SOCS1: variants seen among roughly 807,000 people sequenced by gnomAD.
SOCS1 encodes suppressor of cytokine signaling 1.
Under a neutral mutation model 9.7 loss-of-function variants are expected in SOCS1, and 3 were observed. The ratio of observed to expected loss-of-function variants is 0.31; its 90% CI spans 0.14 to 0.80. The LOEUF (loss-of-function observed/expected upper bound fraction) is 0.80, where lower values mean the gene tolerates loss of function less well. SOCS1 is among the 30% of genes least tolerant of loss of function. SOCS1 has a pLI of 0.61. For synonymous variants in SOCS1, 194 were observed against 150.2 expected (o/e 1.29, Z -2.13); for missense variants, 368 against 324.7 (o/e 1.13, Z -1.02).
At position 11,255,262 on chromosome 16, in the gene SOCS1, G is replaced by A. The variant is rs1035939538; in HGVS notation, c.217C>T (p.Leu73Phe). 7 of 1,543,576 alleles carry A rather than the reference G, an allele frequency of 4.5e-6. No homozygotes were observed. The African/African-American group carries it at 8.4e-5, about 19-fold the overall frequency. The change falls in exon 2 of 2, where the codon CTC becomes TTC. Residue 73 changes from leucine to phenylalanine, a missense_variant. Coordinates refer to ENST00000332029, the MANE Select transcript of SOCS1 (RefSeq NM_003745.2). ...DYRRITRASALLDACGFYWGP... is the reference protein window; with the variant it reads ...DYRRITRASAFLDACGFYWGP... The stretch of plus-strand genomic sequence containing the variant: ...CAGTAGAATCCGCAGGCGTCCAGGA[G>A]CGCGCTGGCGCGCGTGATGCGCCGG...
chr16:11,255,822 C>G, intron 1 of SOCS1: 1 of 207,052 alleles, frequency 4.8e-6, no homozygotes, highest in Non-Finnish European at 9.7e-6. Flanking sequence ...CCGTCCGGCC[C>G]CGGCTCGCCG....
rs751180131 is a variant in SOCS1, at chr16:11,254,799, C to T, written c.*44G>A. ...TTCCAGGCAAGTAATAACAAAATAA[C>T]ACGGCATCCCAGTTAATGCTGCGTG... On this transcript the variant is annotated 3_prime_UTR_variant, in exon 2 of 2. Transcript: ENST00000332029. 6.9e-7 allele frequency: 1 copy of T among 1,439,598 alleles called. No individual in the cohort carries two copies. Among genetic ancestry groups the T allele is most frequent in the Non-Finnish European group, 9.1e-7 (1 of 1,099,912 alleles). The allele number at this position is 1,439,598 out of a possible 1,614,324, so 89.2% of individuals were successfully genotyped here. A position where few individuals can be genotyped will look rare whatever the true frequency, so the allele number is the denominator to read the frequency against.
rs2141125485 is a variant in SOCS1 at position 11,255,432 on chromosome 16, G to A, written c.47C>T (p.Ala16Val). The change falls in exon 2 of 2, where the codon GCA (alanine) becomes GTA (valine). Residue 16 changes from alanine (A) to valine (V), a missense_variant. By Grantham distance (64) the Ala-to-Val change is moderately conservative. Transcript: ENST00000332029. The stretch of plus-strand genomic sequence containing the variant: ...TTCTGGCCGCCGTCGGGGCTCTGCT[G>A]CTGTGGAGACTGCATTGTCGGCTGC... ...QVAADNAVST[A>V]AEPRRRPEPS... The A allele has an allele frequency of 1.5e-6, 2 of 1,321,806 alleles. No homozygotes were observed. Among genetic ancestry groups the A allele is most frequent in the Non-Finnish European group, 1.9e-6 (2 of 1,040,314 alleles). 81.9% of individuals were successfully genotyped at this position (1,321,806 alleles called of 1,614,324 possible). A position where few individuals can be genotyped will look rare whatever the true frequency, so the allele number is the denominator to read the frequency against.
In SOCS1 at chr16:11,255,537, G is replaced by C. The variant is rs934819825; in HGVS notation, c.-50-9C>G. ...TAGCGTCCGGGGGTGCGCTGCGGGA[G>C]AGACAAAGAGGTGAGCTGGGGCGCT... On this transcript the variant is annotated splice_polypyrimidine_tract_variant and intron_variant, in intron 1 of 1. Transcript: ENST00000332029. 3.3e-5 allele frequency: 36 copies of C among 1,102,092 alleles called. No homozygotes were observed. The highest frequency in any genetic ancestry group is 2.7e-4 in the Middle Eastern group (1 of 3,640). 68.3% of individuals were successfully genotyped at this position (1,102,092 alleles called of 1,614,324 possible). A position where few individuals can be genotyped will look rare whatever the true frequency, so the allele number is the denominator to read the frequency against.
Position 11,255,656 on chromosome 16 carries a change from CCG to C in SOCS1, c.-50-130_-50-129del, listed in dbSNP as rs2069591702. ...AGGGGGCGAGCACGGAGCACCAAGTCCGCGCGGATCCGTTCAGCCTCAGTGGA... is the reference window on the plus strand; with the variant it reads ...AGGGGGCGAGCACGGAGCACCAAGTCCGCGGATCCGTTCAGCCTCAGTGGA... On this transcript the variant is annotated intron_variant, in intron 1 of 1. Coordinates refer to ENST00000332029, the MANE Select transcript of SOCS1 (RefSeq NM_003745.2). 4 of 392,586 alleles carry C rather than the reference CCG, an allele frequency of 1.0e-5. No homozygotes were observed. In the East Asian group the frequency reaches 1.5e-4, roughly 14 times the overall value. The allele number at this position is 392,586 out of a possible 1,614,324, so 24.3% of individuals were successfully genotyped here.
Position 11,255,275 on chromosome 16 carries a change from C to G in SOCS1, c.204G>C (p.Thr68=). 6.5e-7 allele frequency: 1 copy of G among 1,537,064 alleles called. No individual in the cohort carries two copies. Among genetic ancestry groups the G allele is most frequent in the African/African-American group, 1.4e-5 (1 of 71,044 alleles). Residue 68 remains threonine, a synonymous_variant, in exon 2 of 2, where the codon ACG becomes ACC. Transcript: ENST00000332029. ...FRSHADYRRI[T]RASALLDACG... ...AGGCGTCCAGGAGCGCGCTGGCGCG[C>G]GTGATGCGCCGGTAATCGGCGTGCG...
rs1720825010 is a variant in SOCS1, at chr16:11,254,538, G to A, written c.*305C>T. ...TCCCCCAACCCCTGGTTTGTGCAAAGATACTGGGTATATGTAAACATGAAG... is the reference window on the plus strand; with the variant it reads ...TCCCCCAACCCCTGGTTTGTGCAAAAATACTGGGTATATGTAAACATGAAG... On this transcript the variant is annotated 3_prime_UTR_variant, in exon 2 of 2. Coordinates refer to ENST00000332029, the MANE Select transcript of SOCS1 (RefSeq NM_003745.2). 3.2e-6 allele frequency: 1 copy of A among 315,448 alleles called. No homozygotes were observed. Among genetic ancestry groups the A allele is most frequent in the Non-Finnish European group, 5.8e-6 (1 of 172,954 alleles). The allele number at this position is 315,448 out of a possible 1,614,324, so 19.5% of individuals were successfully genotyped here.
In SOCS1 at chr16:11,255,155, C is replaced by G. The variant is rs754521293; in HGVS notation, c.324G>C (p.Gln108His). ...VGTFLVRDSR[Q>H]RNCFFALSVK... ...CGCTAAGGGCGAAAAAGCAGTTCCG[C>G]TGGCGGCTGTCGCGCACCAGGAAGG... The change falls in exon 2 of 2, where the codon CAG becomes CAC. Residue 108 changes from glutamine (Q) to histidine (H), a missense_variant. Gln to His is a conservative substitution (Grantham distance 24, BLOSUM62 0). Transcript: ENST00000332029. 5.0e-6 allele frequency: 8 copies of G among 1,602,068 alleles called. No individual in the cohort carries two copies. The South Asian group carries it at 7.8e-5, about 16-fold the overall frequency.
rs2141125209 is a variant in SOCS1, at chr16:11,255,328, C to G, written c.151G>C (p.Gly51Arg). 6.8e-7 allele frequency: 1 copy of G among 1,466,472 alleles called. No homozygotes were observed. The highest frequency in any genetic ancestry group is 9.0e-7 in the Non-Finnish European group (1 of 1,113,196). 90.8% of individuals were successfully genotyped at this position (1,466,472 alleles called of 1,614,324 possible). Residue 51 changes from glycine (G) to arginine (R), a missense_variant, in exon 2 of 2, where the codon GGC becomes CGC. Coordinates refer to ENST00000332029, the MANE Select transcript of SOCS1 (RefSeq NM_003745.2). The part of the protein sequence containing the change: ...PCPAVPAPAP[G>R]DTHFRTFRSH... Reference sequence around the variant, plus strand: ...CGGAATGTGCGGAAGTGCGTGTCGCCGGGGGCCGGGGCCGGGACCGCGGGG... The same window carrying G: ...CGGAATGTGCGGAAGTGCGTGTCGCGGGGGGCCGGGGCCGGGACCGCGGGG...
In SOCS1 at chr16:11,254,765, C is replaced by A. The variant is rs572828363; in HGVS notation, c.*78G>T. 1 of 1,397,808 alleles carries A rather than the reference C, an allele frequency of 7.2e-7. No homozygotes were observed. The highest frequency in any genetic ancestry group is 9.3e-7 in the Non-Finnish European group (1 of 1,076,774). The allele number at this position is 1,397,808 out of a possible 1,614,324, so 86.6% of individuals were successfully genotyped here. On this transcript the variant is annotated 3_prime_UTR_variant, in exon 2 of 2. Coordinates refer to ENST00000332029, the MANE Select transcript of SOCS1 (RefSeq NM_003745.2). ...CCTCCAACCCAGGCCGGGGAGGGTA[C>A]CCACATGGTTCCAGGCAAGTAATAA...
rs1300398340 is a variant in SOCS1, at chr16:11,255,337, G to A, written c.142C>T (p.Pro48Ser). The change falls in exon 2 of 2, where the codon CCG becomes TCG. Residue 48 changes from proline to serine, a missense_variant. By Grantham distance (74) the Pro-to-Ser change is moderately conservative (BLOSUM62 -1). Coordinates refer to ENST00000332029, the MANE Select transcript of SOCS1 (RefSeq NM_003745.2). ...RPRPCPAVPA[P>S]APGDTHFRTF... ...CGGAAGTGCGTGTCGCCGGGGGCCGGGGCCGGGACCGCGGGGCACGGCCGC... is the reference window on the plus strand; with the variant it reads ...CGGAAGTGCGTGTCGCCGGGGGCCGAGGCCGGGACCGCGGGGCACGGCCGC... 1.4e-6 allele frequency: 2 copies of A among 1,432,252 alleles called. No individual in the cohort carries two copies. The highest frequency in any genetic ancestry group is 1.8e-6 in the Non-Finnish European group (2 of 1,098,570). The allele number at this position is 1,432,252 out of a possible 1,614,324, so 88.7% of individuals were successfully genotyped here.
chr16:11,255,560 G>C, intron 1 of SOCS1, 32 bp from the exon 2 acceptor site: 1 of 901,094 alleles, frequency 1.1e-6, no homozygotes, highest in Non-Finnish European at 1.5e-6. Context: ...GAGCTGGGGC[G>C]CTGCGGGGCC....
Position 11,254,679 on chromosome 16 carries a change from G to A in SOCS1, c.*164C>T, listed in dbSNP as rs2141123829. On this transcript the variant is annotated 3_prime_UTR_variant, in exon 2 of 2. Transcript: ENST00000332029. ...AGGACCCCCTCAAGAGGTGAGAAGG[G>A]GTCTGCGGCCTCGTCTCCAGCCGAG... The A allele has an allele frequency of 1.0e-6, 1 of 997,478 alleles. No homozygotes were observed. The highest frequency in any genetic ancestry group is 1.3e-6 in the Non-Finnish European group (1 of 748,878). 61.8% of individuals were successfully genotyped at this position (997,478 alleles called of 1,614,324 possible).
chr16:11,254,667 G>T lies in SOCS1; in HGVS notation c.*176C>A. On this transcript the variant is annotated 3_prime_UTR_variant, in exon 2 of 2. Transcript: ENST00000332029. ...ACCAGGAGGGGGAGGACCCCCTCAA[G>T]AGGTGAGAAGGGGTCTGCGGCCTCG... The T allele has an allele frequency of 2.3e-6, 2 of 853,312 alleles. No homozygotes were observed. Among genetic ancestry groups the T allele is most frequent in the Non-Finnish European group, 3.2e-6 (2 of 623,732 alleles). 52.9% of individuals were successfully genotyped at this position (853,312 alleles called of 1,614,324 possible). A position where few individuals can be genotyped will look rare whatever the true frequency, so the allele number is the denominator to read the frequency against.
At position 11,254,678 on chromosome 16, in the gene SOCS1, G is replaced by A. The variant is rs1034517453; in HGVS notation, c.*165C>T. 1.7e-4 allele frequency: 163 copies of A among 977,182 alleles called. No homozygotes were observed. The highest frequency in any genetic ancestry group is 1.1e-3 in the Admixed American group (26 of 23,780). The allele number at this position is 977,182 out of a possible 1,614,324, so 60.5% of individuals were successfully genotyped here. A position where few individuals can be genotyped will look rare whatever the true frequency, so the allele number is the denominator to read the frequency against. ...GAGGACCCCCTCAAGAGGTGAGAAG[G>A]GGTCTGCGGCCTCGTCTCCAGCCGA... On this transcript the variant is annotated 3_prime_UTR_variant, in exon 2 of 2. Transcript: ENST00000332029.
chr16:11,254,923 C>A lies in SOCS1; in HGVS notation c.556G>T (p.Val186Leu). 6.7e-7 allele frequency: 1 copy of A among 1,484,676 alleles called. No individual in the cohort carries two copies. The allele number at this position is 1,484,676 out of a possible 1,614,324, so 92.0% of individuals were successfully genotyped here. The change falls in exon 2 of 2, where the codon GTG (valine) becomes TTG (leucine). Residue 186 changes from valine (V) to leucine (L), a missense_variant. Coordinates refer to ENST00000332029, the MANE Select transcript of SOCS1 (RefSeq NM_003745.2). ...ELCRQRIVAT[V>L]GRENLARIPL... is the part of the protein sequence containing the mutation. ...ATGCGAGCCAGGTTCTCGCGGCCCA[C>A]GGTGGCCACGATGCGCTGGCGGCAC...
At position 11,255,071 on chromosome 16, in the gene SOCS1, G is replaced by T. The variant is rs751759900; in HGVS notation, c.408C>A (p.His136Gln). 1 of 1,609,614 alleles carries T rather than the reference G, an allele frequency of 6.2e-7. No individual in the cohort carries two copies. The highest frequency in any genetic ancestry group is 1.3e-5 in the African/African-American group (1 of 74,224). ...IRVHFQAGRF[H>Q]LDGSRESFDC... ...CGAAGCTCTCGCGGCTGCCATCCAG[G>T]TGAAAGCGGCCGGCCTGAAAGTGCA... Residue 136 changes from histidine to glutamine, a missense_variant, in exon 2 of 2, where the codon CAC becomes CAA. Coordinates refer to ENST00000332029, the MANE Select transcript of SOCS1 (RefSeq NM_003745.2).
rs1481358086 is a variant in SOCS1 at position 11,254,851 on chromosome 16, G to C, written c.628C>G (p.Gln210Glu). The C allele has an allele frequency of 3.4e-6, 5 of 1,479,944 alleles. No individual in the cohort carries two copies. In the South Asian group the frequency reaches 7.1e-5, roughly 21 times the overall value. 91.7% of individuals were successfully genotyped at this position (1,479,944 alleles called of 1,614,324 possible). A position where few individuals can be genotyped will look rare whatever the true frequency, so the allele number is the denominator to read the frequency against. Residue 210 changes from glutamine (Q) to glutamate (E), a missense_variant, in exon 2 of 2, where the codon CAG (glutamine) becomes GAG (glutamate). Transcript: ENST00000332029. ...LRDYLSSFPFQI is the reference protein window; with the variant it reads ...LRDYLSSFPFEI ...ACGGCGGGCGCTGCCGGTCAAATCT[G>C]GAAGGGGAAGGAGCTCAGGTAGTCG...
In SOCS1 at chr16:11,254,747, C is replaced by G. The variant is rs1211397750; in HGVS notation, c.*96G>C. The G allele has an allele frequency of 1.5e-6, 2 of 1,373,130 alleles. No individual in the cohort carries two copies. The allele number at this position is 1,373,130 out of a possible 1,614,324, so 85.1% of individuals were successfully genotyped here. ...CCCTACACCCATCCGCTCCCTCCAA[C>G]CCAGGCCGGGGAGGGTACCCACATG... is the stretch of plus-strand genomic sequence containing the variant. On this transcript the variant is annotated 3_prime_UTR_variant, in exon 2 of 2. Transcript: ENST00000332029.
Sources: allele counts gnomAD v4.1 joint callset, GRCh38; gene constraint gnomAD v4.1.1; transcripts MANE v1.5; gene names NCBI Gene and HGNC (gene_info 2026-07-23, HGNC 2026-07-21).